The following RAD51B variants were observed in gnomAD, a reference collection of about 807,000 sequenced individuals.
RAD51B encodes RAD51 paralog B.
Under a neutral mutation model 42.2 loss-of-function variants are expected in RAD51B, and 38 were observed. That is an observed-to-expected ratio of 0.90 (90% CI 0.70 to 1.18). The LOEUF is 1.18. Ranked by LOEUF, RAD51B falls within the 50% of genes most tolerant of loss-of-function variation. The probability of loss-of-function intolerance (pLI) is 0.00; values close to 1 mark genes in which losing one functional copy is unlikely to be tolerated. For missense variants in RAD51B, 373 were observed against 400.7 expected, an observed-to-expected ratio of 0.93 and a Z score of 0.59; for synonymous variants, 154 against 145.2, an observed-to-expected ratio of 1.06 and a Z score of -0.43.
At chr14:68,562,075 C>A (rs1203338669) in intron 10 of RAD51B, 2 of 985,260 alleles carry the variant, frequency 2.0e-6, no homozygotes, top group Non-Finnish European at 1.2e-6. Flanking sequence ...TTTGGAGAGT[C>A]CATAACTGTC....
At chr14:68,372,463 T>C (rs1048815695) in intron 8 of RAD51B, among the ~76,000 whole-genome samples, 20 of 152,014 alleles carry the variant, frequency 1.3e-4, no homozygotes, top group African/African-American at 4.4e-4. Context: ...TAGGTAACCA[T>C]TGGTAAAAGA....
chr14:68,334,207 T>A (rs984665018), intron 8 of RAD51B, among the ~76,000 whole-genome samples: 6 of 152,204 alleles, frequency 3.9e-5, no homozygotes, highest in African/African-American at 1.4e-4. Context: ...AAATACCTTT[T>A]GGCTTCTCCA....
chr14:68,599,600 A>G (rs1394017095), downstream of RAD51B, among the ~76,000 whole-genome samples: 2 of 152,236 alleles, frequency 1.3e-5, no homozygotes, highest in South Asian at 2.1e-4. Context: ...GATCCGCCCC[A>G]TCTACATTAA....
At chr14:68,309,308 C>G (rs892263040) in intron 8 of RAD51B, among the ~76,000 whole-genome samples, 8 of 152,018 alleles carry the variant, frequency 5.3e-5, no homozygotes, top group African/African-American at 1.9e-4. Context: ...TGTCTGTTAC[C>G]CACTTCCCAG....
rs374039240 is a variant in RAD51B, at chr14:68,114,249, A to G, written c.757-177635A>G. ...GCCAACCCTTCAGCCTCACTGAACAATGTGATTGGTACTAGATTATATATA... is the reference window on the plus strand; with the variant it reads ...GCCAACCCTTCAGCCTCACTGAACAGTGTGATTGGTACTAGATTATATATA... On this transcript the variant is annotated intron_variant, in intron 7 of 10. Coordinates refer to ENST00000471583, the MANE Select transcript of RAD51B (RefSeq NM_133510.4). 5 of 152,204 alleles carry G rather than the reference A, an allele frequency of 3.3e-5. No individual in the cohort carries two copies. In the South Asian group the frequency reaches 6.2e-4, roughly 19 times the overall value. The allele number at this position is 152,204 out of a possible 1,614,324, so 9.4% of individuals were successfully genotyped here.
intron 9 of RAD51B, among the ~76,000 whole-genome samples, chr14:68,420,849 A>G (rs769163390): frequency 2.6e-5 from 4 of 152,218 alleles, no homozygotes; most frequent in Non-Finnish European, 5.9e-5. Flanking sequence ...TGTTTTCAAG[A>G]CAGAGTCACT....
At chr14:68,583,988 C>T (rs921523240) in intron 10 of RAD51B, among the ~76,000 whole-genome samples, 3 of 152,104 alleles carry the variant, frequency 2.0e-5, no homozygotes, top group Non-Finnish European at 4.4e-5. Flanking sequence ...GAGGACCTGG[C>T]GGGGGTGAGC....
intron 9 of RAD51B, among the ~76,000 whole-genome samples, chr14:68,428,728 TA>T (rs2084917958): frequency 1.6e-4 from 1 of 6,390 alleles, no homozygotes; most frequent in Admixed American, 2.3e-3. Flanking sequence ...TATATATATA[TA>T]TATATATATA....
intron 7 of RAD51B, among the ~76,000 whole-genome samples, chr14:67,989,662 GAAAGAAA>G (rs1454992010): frequency 7.5e-6 from 1 of 134,198 alleles, no homozygotes; most frequent in South Asian, 2.4e-4. Flanking sequence ...AAAAAAGAAA[GAAAGAAA>G]AAAGAAAAAC....
At chr14:67,843,169 T>C (rs1276435861) in intron 4 of RAD51B, among the ~76,000 whole-genome samples, 1 of 151,932 alleles carries the variant, frequency 6.6e-6, no homozygotes, top group Non-Finnish European at 1.5e-5. Flanking sequence ...ATTATTATTA[T>C]ACTTTAAGTT....
intron 7 of RAD51B, among the ~76,000 whole-genome samples, chr14:67,895,651 A>G (rs1368997244): frequency 6.6e-6 from 1 of 152,216 alleles, no homozygotes; most frequent in Non-Finnish European, 1.5e-5. Context: ...TGAAGCTAGG[A>G]CAATGTATGG....
At chr14:67,978,881 A>G (rs1325609189) in intron 7 of RAD51B, among the ~76,000 whole-genome samples, 1 of 152,234 alleles carries the variant, frequency 6.6e-6, no homozygotes, top group Non-Finnish European at 1.5e-5. Context: ...TGAAAAAAGG[A>G]AAAGACTTAT....
chr14:68,151,869 G>T (rs2078395491), intron 7 of RAD51B, among the ~76,000 whole-genome samples: 2 of 72,720 alleles, frequency 2.8e-5, no homozygotes, highest in African/African-American at 5.3e-5. Context: ...TTGAGATGGA[G>T]TTTCACTCTT....
chr14:68,682,722 T>C (rs1388929089), intron 11 of RAD51B, among the ~76,000 whole-genome samples: 2 of 149,698 alleles, frequency 1.3e-5, no homozygotes, highest in African/African-American at 4.9e-5. Context: ...GCTGGACATA[T>C]GTTAGGAAGA....
chr14:68,439,729 G>T (rs547647785), intron 9 of RAD51B, among the ~76,000 whole-genome samples: 1 of 152,280 alleles, frequency 6.6e-6, no homozygotes, highest in Non-Finnish European at 1.5e-5. Context: ...CTTCCTGTAG[G>T]ATTTTCCAAA....
chr14:68,604,815 TC>T (rs370571165), intron 10 of RAD51B, among the ~76,000 whole-genome samples: 26,143 of 152,094 alleles, frequency 0.17, 2,412 homozygotes, highest in Non-Finnish European at 0.21. Flanking sequence ...AGCCTAGCAC[TC>T]AGGGCTCCCT....
intron 10 of RAD51B, among the ~76,000 whole-genome samples, chr14:68,609,310 C>G (rs1021673696): frequency 6.6e-6 from 1 of 152,172 alleles, no homozygotes; most frequent in African/African-American, 2.4e-5. Context: ...AGGCCACTGT[C>G]AGTGGCCACT....
intron 8 of RAD51B, among the ~76,000 whole-genome samples, chr14:68,321,909 C>G (rs1372169530): frequency 6.6e-6 from 1 of 151,960 alleles, no homozygotes; most frequent in African/African-American, 2.4e-5. Context: ...CCCACTTCAG[C>G]CTCCTGAGTA....
At chr14:67,951,858 G>A (rs2074457536) in intron 7 of RAD51B, among the ~76,000 whole-genome samples, 1 of 152,080 alleles carries the variant, frequency 6.6e-6, no homozygotes, top group Non-Finnish European at 1.5e-5. Context: ...TGCCTTATTA[G>A]ACTGATGAAA....
Sources: gnomAD v4.1 joint callset for allele counts (sites outside exome capture counted in the v4.1 genomes callset) on GRCh38, gnomAD v4.1.1 for gene constraint, MANE v1.5 for transcripts, NCBI Gene and HGNC (gene_info 2026-07-23, HGNC 2026-07-21) for gene names.